MPP3: variants seen among roughly 807,000 people sequenced by gnomAD.
MPP3 encodes the protein MAGUK p55 subfamily member 3.
A neutral mutation model predicts 80.7 loss-of-function variants in MPP3; 48 were observed. The ratio of observed to expected loss-of-function variants is 0.59; its 90% confidence interval spans 0.47 to 0.76. The LOEUF (loss-of-function observed/expected upper bound fraction) is 0.76, where lower values mean the gene tolerates loss of function less well. Ranked by LOEUF, MPP3 falls within the 30% of genes least tolerant of loss-of-function variation. MPP3 has a pLI of 0.00. For missense variants in MPP3, 620 were observed against 763.0 expected (o/e 0.81, Z 2.21); for synonymous variants, 311 against 297.6 (o/e 1.04, Z -0.46).
At chr17:43,826,849 T>G (rs966877181) in intron 8 of MPP3, among the ~76,000 whole-genome samples, 4 of 149,336 alleles carry the variant, frequency 2.7e-5, no homozygotes, top group African/African-American at 9.8e-5. Flanking sequence ...TTTTTTCTTT[T>G]TTTTTTGAGA....
At chr17:43,808,118 A>G (rs1873354260) in intron 19 of MPP3, among the ~76,000 whole-genome samples, 1 of 152,222 alleles carries the variant, frequency 6.6e-6, no homozygotes, top group Admixed American at 6.5e-5. Flanking sequence ...TAAAAAGTGT[A>G]TCAACGTGGA....
chr17:43,811,721 G>C (rs1262371347), intron 16 of MPP3: 1 of 153,222 alleles, frequency 6.5e-6, no homozygotes, highest in Non-Finnish European at 1.5e-5. Context: ...AGCCTCCCGA[G>C]TAGCTGGAAT....
intron 11 of MPP3, among the ~76,000 whole-genome samples, chr17:43,818,506 G>A (rs564784071): frequency 1.8e-4 from 27 of 152,292 alleles, no homozygotes; most frequent in South Asian, 6.2e-4. Context: ...AGGAGAGGCC[G>A]AGGACAGAAG....
chr17:43,826,306 C>G (rs2045693071), intron 8 of MPP3, among the ~76,000 whole-genome samples: 1 of 152,188 alleles, frequency 6.6e-6, no homozygotes, highest in Admixed American at 6.5e-5. Context: ...GAGCCTCTGC[C>G]TGAATGACTA....
chr17:43,806,461 C>T (rs957883527), intron 19 of MPP3, among the ~76,000 whole-genome samples: 1 of 152,056 alleles, frequency 6.6e-6, no homozygotes, highest in Admixed American at 6.5e-5. Flanking sequence ...CCACCACTCC[C>T]GGCCCCAACA....
chr17:43,826,726 A>C (rs2045712552), intron 8 of MPP3, among the ~76,000 whole-genome samples: 1 of 152,158 alleles, frequency 6.6e-6, no homozygotes, highest in African/African-American at 2.4e-5. Flanking sequence ...TAATCCCGCA[A>C]GCCCATGCTA....
intron 14 of MPP3, 183 bp downstream of exon 14, chr17:43,815,855 C>T (rs1480410851): frequency 1.5e-6 from 1 of 685,206 alleles, no homozygotes; most frequent in Non-Finnish European, 2.5e-6. Flanking sequence ...GGTGGGGGCC[C>T]AATGCCTGGG....
intron 9 of MPP3, 72 bp from the exon 10 acceptor site, chr17:43,824,077 A>C: frequency 1.3e-5 from 15 of 1,114,268 alleles, no homozygotes; most frequent in Non-Finnish European, 1.8e-5. Context: ...CCTACTTCTC[A>C]GGCCTAAAAA....
chr17:43,829,723 G>C lies in MPP3; in HGVS notation c.372C>G (p.Asp124Glu). The part of the protein sequence containing the change: ...NFDPVLPPLP[D>E]NIDEDFDEES... ...CCTCATCAAAATCCTCATCGATATT[G>C]TCAGGCAGAGGCGGGAGAACGGGGT... Residue 124 changes from aspartate to glutamate, a missense_variant, in exon 7 of 20, where the codon GAC becomes GAG. Physicochemically the swap from Asp to Glu is conservative, Grantham distance 45 (BLOSUM62 2). Transcript: ENST00000398389. The C allele has an allele frequency of 6.2e-7, 1 of 1,614,094 alleles. No homozygotes were observed. The highest frequency in any genetic ancestry group is 1.3e-5 in the African/African-American group (1 of 75,016).
chr17:43,823,231 G>GA (rs1261094837), intron 10 of MPP3, among the ~76,000 whole-genome samples: 1 of 152,084 alleles, frequency 6.6e-6, no homozygotes, highest in East Asian at 1.9e-4. Context: ...AGGCCATTCA[G>GA]AACATAGGCT....
chr17:43,809,922 A>G (rs1320165112), intron 18 of MPP3, among the ~76,000 whole-genome samples: 1 of 152,174 alleles, frequency 6.6e-6, no homozygotes, highest in Non-Finnish European at 1.5e-5. Context: ...AATGCATTTT[A>G]TCTAGAAGTA....
At chr17:43,815,158 C>A (rs1285700068) in intron 14 of MPP3, among the ~76,000 whole-genome samples, 2 of 152,050 alleles carry the variant, frequency 1.3e-5, no homozygotes, top group Non-Finnish European at 2.9e-5. Context: ...ATGGTGAAAC[C>A]CTGTCTCTAC....
chr17:43,808,921 G>A (rs757033418), intron 19 of MPP3, 35 bp downstream of exon 19: 1 of 1,580,414 alleles, frequency 6.3e-7, no homozygotes, highest in African/African-American at 1.4e-5. Flanking sequence ...CCTCCCTTAG[G>A]CCTTCAGAAA....
intron 8 of MPP3, 110 bp from the exon 9 acceptor site, chr17:43,825,951 C>G: frequency 2.9e-6 from 2 of 698,774 alleles, no homozygotes; most frequent in Middle Eastern, 2.8e-4. Context: ...GCAGGGCCAA[C>G]TCGAGGTTTA....
Position 43,817,644 on chromosome 17 carries a change from C to T in MPP3, c.946+402G>A, listed in dbSNP as rs375398294. Among the ~76,000 whole-genome samples the T allele has an allele frequency of 3.3e-5, 5 of 152,150 alleles. No homozygotes were observed. The East Asian group carries it at 9.6e-4, about 29-fold the overall frequency. On this transcript the variant is annotated intron_variant, in intron 12 of 19. Coordinates refer to ENST00000398389, the MANE Select transcript of MPP3 (RefSeq NM_001932.6). Reference sequence around the variant, plus strand: ...TTGCCCAGTCTGGCAATCTGGCAGCCCTACCAGAGGCACCAGGTCACACAT... The same window carrying T: ...TTGCCCAGTCTGGCAATCTGGCAGCTCTACCAGAGGCACCAGGTCACACAT...
At chr17:43,831,370 C>G (rs756208212) in intron 4 of MPP3, 49 bp from the exon 5 acceptor site, 5 of 1,581,154 alleles carry the variant, frequency 3.2e-6, no homozygotes, top group Non-Finnish European at 4.3e-6. Flanking sequence ...ACACATCCCA[C>G]CCACGGCTGT....
In MPP3 at chr17:43,807,078, T is replaced by G. The variant is rs544291737; in HGVS notation, c.1581+1878A>C. On this transcript the variant is annotated intron_variant, in intron 19 of 19. Transcript: ENST00000398389. ...GCTCTGCCTCCTGGGTTCAAGTGTTTCTCCTGTCTCAGCCTCCCGAGTAGC... is the reference window on the plus strand; with the variant it reads ...GCTCTGCCTCCTGGGTTCAAGTGTTGCTCCTGTCTCAGCCTCCCGAGTAGC... 1.1e-3 allele frequency among the ~76,000 whole-genome samples: 174 copies of G among 151,868 alleles called. 1 individual carries two copies. Among genetic ancestry groups the G allele is most frequent in the African/African-American group, 4.1e-3 (170 of 41,408 alleles).
intron 11 of MPP3, among the ~76,000 whole-genome samples, chr17:43,818,480 T>C (rs2045264908): frequency 6.6e-6 from 1 of 152,074 alleles, no homozygotes; most frequent in Non-Finnish European, 1.5e-5. Context: ...AGCTGAGAAA[T>C]AGCAGAATGA....
At chr17:43,804,859 T>C (rs1167370505) in intron 19 of MPP3, among the ~76,000 whole-genome samples, 1 of 151,944 alleles carries the variant, frequency 6.6e-6, no homozygotes, top group African/African-American at 2.4e-5. Flanking sequence ...CTACTAAAAA[T>C]ACGAAGGAAA....
Sources: gnomAD v4.1 joint callset for allele counts (sites outside exome capture counted in the v4.1 genomes callset) on GRCh38, gnomAD v4.1.1 for gene constraint, MANE v1.5 for transcripts, NCBI Gene and HGNC (gene_info 2026-07-23, HGNC 2026-07-21) for gene names.